Variants in MTMR7 observed in about 807,000 individuals in gnomAD.
The protein encoded by MTMR7 is phosphatidylinositol-3-phosphate phosphatase MTMR7.
Under a neutral mutation model 81.2 loss-of-function variants are expected in MTMR7, and 76 were observed. That is an observed-to-expected ratio of 0.94 (90% CI 0.78 to 1.13). The LOEUF is 1.13. MTMR7 is among the 50% of genes most tolerant of loss of function. The probability of loss-of-function intolerance (pLI) is 0.00; values close to 1 mark genes in which losing one functional copy is unlikely to be tolerated. For missense variants in MTMR7, 1,044 were observed against 820.0 expected, an observed-to-expected ratio of 1.27 and a Z score of -3.34; for synonymous variants, 372 against 289.8, an observed-to-expected ratio of 1.28 and a Z score of -2.88.
At chr8:17,372,471 C>A (rs1004601115) in intron 2 of MTMR7, among the ~76,000 whole-genome samples, 1 of 151,992 alleles carries the variant, frequency 6.6e-6, no homozygotes, top group African/African-American at 2.4e-5. Flanking sequence ...GACTGTAGTC[C>A]CAGCTACTCA....
Position 17,348,324 on chromosome 8 carries a change from G to A in MTMR7, c.597+629C>T, listed in dbSNP as rs1346238796. 2.0e-5 allele frequency among the ~76,000 whole-genome samples: 3 copies of A among 151,996 alleles called. No individual in the cohort carries two copies. The East Asian group carries it at 5.8e-4, about 29-fold the overall frequency. On this transcript the variant is annotated intron_variant, in intron 5 of 13. Transcript: ENST00000180173. ...AGGCCGAGGCAGGTGGGTCACCTGTGGTCGGGAGTTCAAGACCACCCTGGC... is the reference window on the plus strand; with the variant it reads ...AGGCCGAGGCAGGTGGGTCACCTGTAGTCGGGAGTTCAAGACCACCCTGGC...
At chr8:17,302,318 C>A in intron 12 of MTMR7, 38 bp from the exon 13 acceptor site, 1 of 1,582,208 alleles carries the variant, frequency 6.3e-7, no homozygotes, top group South Asian at 1.2e-5. Context: ...ACCACCTTAT[C>A]ACAGTCTGAA....
intron 3 of MTMR7, among the ~76,000 whole-genome samples, chr8:17,363,947 T>G (rs1820136416): frequency 6.8e-6 from 1 of 147,030 alleles, no homozygotes; most frequent in Admixed American, 6.8e-5. Context: ...TTTTTTTTTT[T>G]GCTTACAGAC....
intron 6 of MTMR7, among the ~76,000 whole-genome samples, chr8:17,339,765 G>A (rs1349121555): frequency 6.6e-6 from 1 of 152,092 alleles, no homozygotes; most frequent in Non-Finnish European, 1.5e-5. Context: ...ATATACCTAG[G>A]AAGGAACAGC....
chr8:17,379,213 T>C, intron 1 of MTMR7, among the ~76,000 whole-genome samples: 1 of 151,744 alleles, frequency 6.6e-6, no homozygotes, highest in South Asian at 2.1e-4. Context: ...GCAGGAGGGG[T>C]CCTGGAAGCA....
intron 1 of MTMR7, among the ~76,000 whole-genome samples, chr8:17,388,815 G>C (rs907905868): frequency 1.3e-5 from 2 of 152,196 alleles, no homozygotes; most frequent in South Asian, 2.1e-4. Context: ...GGTACACTCT[G>C]TCCACCCAGG....
intron 10 of MTMR7, among the ~76,000 whole-genome samples, chr8:17,306,304 C>T (rs978929593): frequency 1.9e-4 from 29 of 151,684 alleles, no homozygotes; most frequent in African/African-American, 6.3e-4. Flanking sequence ...ACTTTATGAG[C>T]GGGTGAGAAG....
chr8:17,357,220 C>G (rs1357207806), intron 4 of MTMR7, among the ~76,000 whole-genome samples: 8 of 152,212 alleles, frequency 5.3e-5, no homozygotes, highest in Non-Finnish European at 1.2e-4. Flanking sequence ...TACTTAATCT[C>G]TCTGTCATAC....
At chr8:17,359,808 C>T (rs1258800485) in intron 4 of MTMR7, among the ~76,000 whole-genome samples, 1 of 152,098 alleles carries the variant, frequency 6.6e-6, no homozygotes, top group Non-Finnish European at 1.5e-5. Flanking sequence ...TAAAAACTAA[C>T]TCTTTACTGG....
chr8:17,306,105 A>G (rs1817438206), intron 10 of MTMR7, 148 bp from the exon 11 acceptor site: 2 of 671,404 alleles, frequency 3.0e-6, no homozygotes, highest in South Asian at 4.7e-5. Flanking sequence ...TAGAAAAGTT[A>G]AGATTTTAAA....
chr8:17,363,776 C>T (rs1820130057), intron 3 of MTMR7, among the ~76,000 whole-genome samples: 1 of 151,956 alleles, frequency 6.6e-6, no homozygotes, highest in African/African-American at 2.4e-5. Flanking sequence ...TCTAAGAAAT[C>T]GAAAAGCGCC....
At chr8:17,319,746 G>A (rs1258285123) in intron 7 of MTMR7, among the ~76,000 whole-genome samples, 4 of 152,164 alleles carry the variant, frequency 2.6e-5, no homozygotes, top group African/African-American at 4.8e-5. Context: ...TGATGGATAC[G>A]TGGTGAGACG....
intron 12 of MTMR7, among the ~76,000 whole-genome samples, chr8:17,302,597 T>C (rs1004277330): frequency 2.0e-5 from 3 of 151,242 alleles, no homozygotes; most frequent in African/African-American, 4.9e-5. Flanking sequence ...GTTTTGAACT[T>C]TGAAATTGTA....
chr8:17,316,012 T>A (rs992558106), intron 7 of MTMR7, among the ~76,000 whole-genome samples: 2 of 152,152 alleles, frequency 1.3e-5, no homozygotes, highest in African/African-American at 4.8e-5. Flanking sequence ...CCAGATCCTA[T>A]CTCTAAAAAA....
chr8:17,362,605 C>A (rs182951956), intron 3 of MTMR7, among the ~76,000 whole-genome samples: 5 of 152,292 alleles, frequency 3.3e-5, no homozygotes, highest in South Asian at 4.1e-4. Flanking sequence ...AAGGCCTGCT[C>A]CTAATTGTAA....
intron 4 of MTMR7, among the ~76,000 whole-genome samples, chr8:17,359,235 C>A (rs1819989049): frequency 6.6e-6 from 1 of 152,086 alleles, no homozygotes; most frequent in African/African-American, 2.4e-5. Context: ...TAGTACTTTA[C>A]AGTACATTCA....
At chr8:17,413,022 C>G (rs1821778468) in intron 1 of MTMR7, among the ~76,000 whole-genome samples, 1 of 152,230 alleles carries the variant, frequency 6.6e-6, no homozygotes, top group African/African-American at 2.4e-5. Flanking sequence ...CCCTTGTGTC[C>G]ACTGCGCTCC....
chr8:17,313,429 A>C, intron 7 of MTMR7, 28 bp from the exon 8 acceptor site: 1 of 1,417,106 alleles, frequency 7.1e-7, no homozygotes, highest in Non-Finnish European at 9.9e-7. Flanking sequence ...TTATAAAAGC[A>C]AAATTAAGGT....
chr8:17,323,495 T>C (rs1011421384), intron 7 of MTMR7, among the ~76,000 whole-genome samples: 1 of 151,926 alleles, frequency 6.6e-6, no homozygotes, highest in African/African-American at 2.4e-5. Context: ...AAGTCGACAC[T>C]GGGAAAAGAT....
Sources: allele counts gnomAD v4.1 joint callset (sites outside exome capture counted in the v4.1 genomes callset), GRCh38; gene constraint gnomAD v4.1.1; transcripts MANE v1.5; gene names NCBI Gene and HGNC (gene_info 2026-07-23, HGNC 2026-07-21).